Variants in CDON observed in about 807,000 individuals in gnomAD.
CDON encodes cell adhesion associated, oncogene regulated, also known as cell adhesion molecule-related/down-regulated by oncogenes.
CDON carries 73 observed loss-of-function variants against 120.9 expected under a neutral mutation model. The ratio of observed to expected loss-of-function variants is 0.60; its 90% CI spans 0.50 to 0.73. The LOEUF (loss-of-function observed/expected upper bound fraction) is 0.73, where lower values mean the gene tolerates loss of function less well. Among genes scored for constraint, CDON ranks in the 30% least tolerant of loss-of-function variants. The pLI, the probability that CDON is intolerant of heterozygous loss-of-function variation, is 0.00. For synonymous variants in CDON, 566 were observed against 573.5 expected, an observed-to-expected ratio of 0.99 and a Z score of 0.19; for missense variants, 1,470 against 1,587.3, an observed-to-expected ratio of 0.93 and a Z score of 1.26.
Position 126,005,816 on chromosome 11 carries a change from C to G in CDON, c.1794G>C (p.Trp598Cys), listed in dbSNP as rs755522931. 6.2e-7 allele frequency: 1 copy of G among 1,613,938 alleles called. No individual in the cohort carries two copies. The highest frequency in any genetic ancestry group is 8.5e-7 in the Non-Finnish European group (1 of 1,179,984). The part of the protein sequence containing the change: ...THTPDTYNLV[W>C]RAGKDGGLPI... ...GCAGCCCACCATCCTTGCCTGCCCT[C>G]CACACCAGGTTGTACGTGTCTGGTG... Residue 598 changes from tryptophan to cysteine, a missense_variant, in exon 9 of 20, where the codon TGG becomes TGC. Physicochemically the swap from Trp to Cys is radical, Grantham distance 215 (BLOSUM62 -2). Transcript: ENST00000531738.
chr11:126,051,095 A>T (rs774248188), intron 1 of CDON, among the ~76,000 whole-genome samples: 1 of 152,138 alleles, frequency 6.6e-6, no homozygotes, highest in Non-Finnish European at 1.5e-5. Flanking sequence ...AAACTCAAAA[A>T]TCAGTTTCTC....
chr11:125,981,481 G>C, intron 16 of CDON, 152 bp from the exon 17 acceptor site: 1 of 799,474 alleles, frequency 1.3e-6, no homozygotes, highest in Non-Finnish European at 2.0e-6. Flanking sequence ...TTGCTGAGAA[G>C]GTCTTACAGA....
At chr11:125,964,607 C>CAA (rs11458667) in intron 18 of CDON, among the ~76,000 whole-genome samples, 19 of 127,104 alleles carry the variant, frequency 1.5e-4, no homozygotes, top group Non-Finnish European at 3.2e-4. Context: ...GGAGACAGAC[C>CAA]AAAAAAAAAA....
chr11:126,008,548 C>T (rs1267291186), intron 8 of CDON, among the ~76,000 whole-genome samples: 1 of 152,110 alleles, frequency 6.6e-6, no homozygotes, highest in Admixed American at 6.5e-5. Context: ...CTTCAAAGGG[C>T]TTCCGATTTC....
At chr11:125,981,965 A>ATTTTCTTTTTTT (rs1274311883) in intron 16 of CDON, among the ~76,000 whole-genome samples, 2 of 34,434 alleles carry the variant, frequency 5.8e-5, no homozygotes, top group African/African-American at 1.6e-4. Flanking sequence ...AAGTGATTCT[A>ATTTTCTTTTTTT]TTTTCTTTTT....
In CDON at chr11:125,961,059, C is replaced by T. The variant is rs1215293051; in HGVS notation, c.3678G>A (p.Trp1226Ter). Reference protein sequence around the residue: ...HSETEINIVSWNALILPPVPE... With the variant: ...HSETEINIVS ...GGACAGGTGGCAAAATAAGAGCATTCCAACTTACAATGTTGATCTCTGTTT... is the reference window on the plus strand; with the variant it reads ...GGACAGGTGGCAAAATAAGAGCATTTCAACTTACAATGTTGATCTCTGTTT... Residue 1226 changes from tryptophan to a stop codon, truncating the protein, a stop_gained, in exon 20 of 20, where the codon TGG (tryptophan) becomes TGA (stop). Transcript: ENST00000531738. LOFTEE classifies it high-confidence loss of function. 1.2e-6 allele frequency: 2 copies of T among 1,613,850 alleles called. No homozygotes were observed. Among genetic ancestry groups the T allele is most frequent in the African/African-American group, 1.3e-5 (1 of 74,932 alleles).
chr11:125,971,161 A>G (rs1364220478), intron 18 of CDON, among the ~76,000 whole-genome samples: 1 of 152,138 alleles, frequency 6.6e-6, no homozygotes, highest in African/African-American at 2.4e-5. Flanking sequence ...AGGCGGGCGG[A>G]TCACGAGGTC....
At chr11:125,992,124 C>A (rs1946646165) in intron 14 of CDON, among the ~76,000 whole-genome samples, 2 of 152,090 alleles carry the variant, frequency 1.3e-5, no homozygotes, top group Non-Finnish European at 2.9e-5. Context: ...CATTTTATGG[C>A]AAATATTTAG....
At position 125,956,912 on chromosome 11, in the gene CDON, A is replaced by T. The variant is rs1945502308; in HGVS notation, c.*4030T>A. ...TGGGGCTAGGGTTTAAGGAAGGCTT[A>T]TTTAAATATGGGAAATAAAATACAA... On this transcript the variant is annotated 3_prime_UTR_variant, in exon 20 of 20. Transcript: ENST00000531738. 1.8e-5 allele frequency: 17 copies of T among 945,188 alleles called. No individual in the cohort carries two copies. Among genetic ancestry groups the T allele is most frequent in the Non-Finnish European group, 2.1e-5 (17 of 793,300 alleles). 58.6% of individuals were successfully genotyped at this position (945,188 alleles called of 1,614,324 possible). A position where few individuals can be genotyped will look rare whatever the true frequency, so the allele number is the denominator to read the frequency against.
intron 7 of CDON, among the ~76,000 whole-genome samples, chr11:126,013,990 T>C (rs1388958007): frequency 6.6e-6 from 1 of 152,132 alleles, no homozygotes; most frequent in Admixed American, 6.5e-5. Context: ...CAAAGTATTT[T>C]AAATTTCCAT....
At chr11:126,056,885 A>C (rs1302248037) in intron 1 of CDON, among the ~76,000 whole-genome samples, 2 of 152,188 alleles carry the variant, frequency 1.3e-5, no homozygotes, top group East Asian at 3.8e-4. Context: ...TTTTCTTCAG[A>C]AAAGCATTGT....
At position 126,017,282 on chromosome 11, in the gene CDON, A is replaced by T; in HGVS notation, c.734T>A (p.Val245Glu). 1 of 1,614,098 alleles carries T rather than the reference A, an allele frequency of 6.2e-7. No individual in the cohort carries two copies. The highest frequency in any genetic ancestry group is 2.2e-5 in the East Asian group (1 of 44,874). ...SRSPVTLECV[V>E]SGVPAPQVYW... ...CACTTGAGGAGCCGGGACCCCACTC[A>T]CCACACACTCCAAGGTTACAGGGCT... The change falls in exon 6 of 20, where the codon GTG (valine) becomes GAG (glutamate). Residue 245 changes from valine to glutamate, a missense_variant. Coordinates refer to ENST00000531738, the MANE Select transcript of CDON (RefSeq NM_001378964.1).
At chr11:126,001,327 A>G (rs1172565141) in intron 11 of CDON, among the ~76,000 whole-genome samples, 1 of 151,956 alleles carries the variant, frequency 6.6e-6, no homozygotes, top group Admixed American at 6.6e-5. Context: ...AGCTGAGACT[A>G]CAGGTGTGTG....
chr11:126,021,404 C>T lies in CDON; in HGVS notation c.193G>A (p.Gly65Arg), dbSNP rs1012612060. The T allele has an allele frequency of 7.4e-6, 12 of 1,613,940 alleles. No homozygotes were observed. In the Admixed American group the frequency reaches 1.2e-4, roughly 16 times the overall value. The change falls in exon 3 of 20, where the codon GGA becomes AGA. Residue 65 changes from glycine (G) to arginine (R), a missense_variant. Coordinates refer to ENST00000531738, the MANE Select transcript of CDON (RefSeq NM_001378964.1). ...TCCAGGTTTCCATCCAATGTTTTTC[C>T]GTTATGCAGCCATGAGATACGAGTG... ...VTTRISWLHN[G>R]KTLDGNLEHV...
chr11:125,970,085 T>C (rs1945924022), intron 18 of CDON, among the ~76,000 whole-genome samples: 1 of 152,072 alleles, frequency 6.6e-6, no homozygotes, highest in African/African-American at 2.4e-5. Context: ...GAAAGAACTA[T>C]CCGTGAATTT....
At position 126,018,482 on chromosome 11, in the gene CDON, G is replaced by C. The variant is rs1207138345; in HGVS notation, c.497-9C>G. 1 of 1,612,990 alleles carries C rather than the reference G, an allele frequency of 6.2e-7. No homozygotes were observed. The highest frequency in any genetic ancestry group is 8.5e-7 in the Non-Finnish European group (1 of 1,179,164). ...AAGGATTAAGTAATTCTCTGAGGAA[G>C]GAAGGGAGTGCAGTTAGGCCTCTCC... On this transcript the variant is annotated splice_polypyrimidine_tract_variant and intron_variant, in intron 4 of 19. Coordinates refer to ENST00000531738, the MANE Select transcript of CDON (RefSeq NM_001378964.1).
At chr11:126,014,130 ATAT>A (rs1417119852) in intron 7 of CDON, among the ~76,000 whole-genome samples, 2 of 152,262 alleles carry the variant, frequency 1.3e-5, no homozygotes, top group Non-Finnish European at 2.9e-5. Context: ...CATTTGGTCC[ATAT>A]TATATTGATT....
chr11:126,021,579 G>C, intron 2 of CDON, 59 bp from the exon 3 acceptor site: 226 of 1,288,252 alleles, frequency 1.8e-4, no homozygotes, highest in Non-Finnish European at 2.4e-4. Context: ...GAGAGAGAAA[G>C]AAGATTACAT....
rs777978400 is a variant in CDON at position 126,034,735 on chromosome 11, T to C, written c.-61-11198A>G. On this transcript the variant is annotated intron_variant, in intron 1 of 19. Transcript: ENST00000531738. This position sits in a 1 kb window ranked among gnomAD's most constrained non-coding sequence, Gnocchi z 4.5. ...TAAAAAGCAGCGTGAGAGAGATTAT[T>C]AAAAAGACAAAATATAGAAAATTTC... Among the ~76,000 whole-genome samples, 22 of 152,106 alleles carry C rather than the reference T, an allele frequency of 1.4e-4. No individual in the cohort carries two copies. Among genetic ancestry groups the C allele is most frequent in the Non-Finnish European group, 1.2e-4 (8 of 68,012 alleles).
Sources: allele counts gnomAD v4.1 joint callset (sites outside exome capture counted in the v4.1 genomes callset), GRCh38; gene constraint gnomAD v4.1.1; non-coding constraint Gnocchi (gnomAD v3.1); transcripts MANE v1.5; gene names NCBI Gene and HGNC (gene_info 2026-07-23, HGNC 2026-07-21).